Variants in SAA2 observed in about 807,000 individuals in gnomAD.
The protein encoded by SAA2 is serum amyloid A2.
In SAA2, 5 loss-of-function variants were observed where a neutral mutation model predicts 9.1. That is an observed-to-expected ratio of 0.55 (90% CI 0.29 to 1.16). SAA2 has a LOEUF of 1.16. Among genes scored for constraint, SAA2 ranks in the 50% most tolerant of loss-of-function variants. The pLI is 0.09. For missense variants in SAA2, 94 were observed against 153.8 expected, an observed-to-expected ratio of 0.61 and a Z score of 2.06; for synonymous variants, 49 against 59.8, an observed-to-expected ratio of 0.82 and a Z score of 0.83.
chr11:18,240,229 C>T (rs1339980808), intron 3 of SAA2: 2 of 704,748 alleles, frequency 2.8e-6, no homozygotes, highest in South Asian at 1.5e-5. Context: ...GGCAAATAAG[C>T]AGGTGTCATC....
At chr11:18,245,667 G>A in intron 3 of SAA2, 152 bp from the exon 4 acceptor site, 1 of 1,383,402 alleles carries the variant, frequency 7.2e-7, no homozygotes, top group Non-Finnish European at 9.7e-7. Context: ...CCTGGGCACT[G>A]CCCCATTCAG....
rs1175498082 is a variant in SAA2, at chr11:18,248,594, G to T, written c.-5+9C>A. On this transcript the variant is annotated intron_variant, in intron 1 of 3. Transcript: ENST00000256733. The stretch of plus-strand genomic sequence containing the variant: ...AGTTTTAAAAATCACTCCTTGGTGT[G>T]CTCCTCACCTGATCTGTGCTGTAGC... The T allele has an allele frequency of 6.4e-6, 1 of 157,012 alleles. No homozygotes were observed. Among genetic ancestry groups the T allele is most frequent in the Non-Finnish European group, 1.4e-5 (1 of 70,852 alleles). The allele number at this position is 157,012 out of a possible 1,614,324, so 9.7% of individuals were successfully genotyped here.
downstream of SAA2, among the ~76,000 whole-genome samples, chr11:18,241,717 G>T (rs991570644): frequency 2.6e-5 from 4 of 152,156 alleles, no homozygotes; most frequent in Non-Finnish European, 2.9e-5. Context: ...CATGGACATA[G>T]AAAGTGGAAT....
At chr11:18,238,765 T>C (rs1365042200), downstream of SAA2, among the ~76,000 whole-genome samples, 1 of 152,128 alleles carries the variant, frequency 6.6e-6, no homozygotes, top group Non-Finnish European at 1.5e-5. Flanking sequence ...TCATTCTAAG[T>C]ATTTTTTTGG....
At chr11:18,246,966 T>C (rs1399473622) in intron 2 of SAA2, among the ~76,000 whole-genome samples, 2 of 152,084 alleles carry the variant, frequency 1.3e-5, no homozygotes, top group African/African-American at 4.8e-5. Context: ...TTCATAACCA[T>C]CAACCTCTGG....
chr11:18,246,377 A>C (rs1264865802), intron 2 of SAA2, among the ~76,000 whole-genome samples: 4 of 152,148 alleles, frequency 2.6e-5, no homozygotes, highest in Admixed American at 6.5e-5. Context: ...TAAAGTATAT[A>C]TTCTTGCAAA....
rs778687470 is a variant in SAA2, at chr11:18,248,000, G to A, written c.12C>T (p.Leu4=). The A allele has an allele frequency of 2.5e-6, 4 of 1,613,310 alleles. No homozygotes were observed. The highest frequency in any genetic ancestry group is 1.7e-5 in the Admixed American group (1 of 59,926). MKL[L]TGLVFCSLVL... ...CCAAGGAGCAGAAAACCAGGCCCGTGAGAAGCTTCATGGTGCTGAAATGAA... is the reference window on the plus strand; with the variant it reads ...CCAAGGAGCAGAAAACCAGGCCCGTAAGAAGCTTCATGGTGCTGAAATGAA... The change falls in exon 2 of 4, where the codon CTC becomes CTT. Residue 4 remains leucine, a synonymous_variant. Coordinates refer to ENST00000256733, the MANE Select transcript of SAA2 (RefSeq NM_030754.5).
downstream of SAA2, among the ~76,000 whole-genome samples, chr11:18,243,547 A>G (rs1397817575): frequency 1.3e-5 from 2 of 152,002 alleles, no homozygotes; most frequent in Admixed American, 6.6e-5. Flanking sequence ...GCCTCTCTCC[A>G]TCTTATTTAT....
chr11:18,245,304 A>G lies in SAA2; in HGVS notation c.*73T>C, dbSNP rs1269278201. 2 of 1,596,868 alleles carry G rather than the reference A, an allele frequency of 1.3e-6. No homozygotes were observed. The highest frequency in any genetic ancestry group is 1.3e-5 in the African/African-American group (1 of 74,536). ...CATATCTCAGCTTCTCTGGACATAG[A>G]CCTCACTAACTTTGTATCCCTGCCC... On this transcript the variant is annotated 3_prime_UTR_variant, in exon 4 of 4. Coordinates refer to ENST00000256733, the MANE Select transcript of SAA2 (RefSeq NM_030754.5).
At chr11:18,240,468 G>A (rs1345160189), downstream of SAA2, among the ~76,000 whole-genome samples, 1 of 152,098 alleles carries the variant, frequency 6.6e-6, no homozygotes, top group Non-Finnish European at 1.5e-5. Flanking sequence ...CATTCCCTGG[G>A]TTCCTTTAGT....
intron 1 of SAA2, chr11:18,248,281 C>T: frequency 2.6e-6 from 1 of 379,138 alleles, no homozygotes; most frequent in South Asian, 2.7e-5. Flanking sequence ...GTCACTCCCT[C>T]AAGTAGCCTA....
downstream of SAA2, among the ~76,000 whole-genome samples, chr11:18,243,301 C>A (rs756951039): frequency 3.3e-5 from 5 of 152,130 alleles, no homozygotes; most frequent in Non-Finnish European, 4.4e-5. Context: ...TGAAAGCTTG[C>A]TTTATTTGAC....
intron 2 of SAA2, among the ~76,000 whole-genome samples, chr11:18,246,272 A>G (rs1398310313): frequency 6.6e-6 from 1 of 152,186 alleles, no homozygotes; most frequent in African/African-American, 2.4e-5. Flanking sequence ...GAAGCTGCCT[A>G]TGATAAGATC....
downstream of SAA2, among the ~76,000 whole-genome samples, chr11:18,240,928 G>A (rs1209436920): frequency 1.3e-5 from 2 of 152,040 alleles, no homozygotes; most frequent in Admixed American, 6.6e-5. Context: ...AGAGTAAACA[G>A]ACAACCTAAG....
chr11:18,241,894 A>G (rs1006831367), downstream of SAA2, among the ~76,000 whole-genome samples: 8 of 152,186 alleles, frequency 5.3e-5, no homozygotes, highest in African/African-American at 1.4e-4. Context: ...TACCCCCTAA[A>G]TCTATAAATA....
At position 18,246,305 on chromosome 11, in the gene SAA2, G is replaced by A. The variant is rs866571659; in HGVS notation, c.92-257C>T. Among the ~76,000 whole-genome samples, 699 of 152,166 alleles carry A rather than the reference G, an allele frequency of 4.6e-3. 3 individuals carry two copies. The highest frequency in any genetic ancestry group is 0.015 in the African/African-American group (622 of 41,496). On this transcript the variant is annotated intron_variant, in intron 2 of 3. Coordinates refer to ENST00000256733, the MANE Select transcript of SAA2 (RefSeq NM_030754.5). The stretch of plus-strand genomic sequence containing the variant: ...ATCCAGGAGTGTATATGAATGAGGT[G>A]GTGACATGGAATACTGATGCTGAGA...
downstream of SAA2, chr11:18,239,111 A>G (rs1226039857): frequency 1.3e-5 from 2 of 152,220 alleles, no homozygotes; most frequent in Non-Finnish European, 2.9e-5. Flanking sequence ...GTCCTACCGT[A>G]ATATATACAG....
At chr11:18,246,165 G>T in intron 2 of SAA2, 117 bp from the exon 3 acceptor site, 4 of 1,461,630 alleles carry the variant, frequency 2.7e-6, no homozygotes, top group Admixed American at 2.5e-5. Context: ...TTCAGCCTGT[G>T]ATCATAGCAG....
At chr11:18,243,054 G>A (rs1857393854), downstream of SAA2, among the ~76,000 whole-genome samples, 1 of 151,928 alleles carries the variant, frequency 6.6e-6, no homozygotes, top group South Asian at 2.1e-4. Flanking sequence ...TTTTTCCTTG[G>A]ATACAAATTT....
Sources: allele counts gnomAD v4.1 joint callset (sites outside exome capture counted in the v4.1 genomes callset), GRCh38; gene constraint gnomAD v4.1.1; transcripts MANE v1.5; gene names NCBI Gene and HGNC (gene_info 2026-07-23, HGNC 2026-07-21).